Variants in SPAG16 observed in about 807,000 individuals in gnomAD.
The protein encoded by SPAG16 is sperm associated antigen 16.
SPAG16 carries 86 observed loss-of-function variants against 80.4 expected under a neutral mutation model. The observed-to-expected ratio is 1.07, with a 90% CI of 0.90 to 1.28. The LOEUF (loss-of-function observed/expected upper bound fraction) is 1.28, where lower values mean the gene tolerates loss of function less well. SPAG16 is among the 50% of genes most tolerant of loss of function. The probability of loss-of-function intolerance (pLI) is 0.00; values close to 1 mark genes in which losing one functional copy is unlikely to be tolerated. For missense variants in SPAG16, 870 were observed against 765.3 expected (o/e 1.14, Z -1.61); for synonymous variants, 294 against 265.9 (o/e 1.11, Z -1.03).
intron 10 of SPAG16, among the ~76,000 whole-genome samples, chr2:213,815,109 TAATC>T (rs1442029601): frequency 7.9e-5 from 12 of 152,154 alleles, no homozygotes; most frequent in East Asian, 3.9e-4. Context: ...ACAGAATAAA[TAATC>T]AAGATATTCT....
chr2:214,017,583 C>G (rs1385110025), intron 13 of SPAG16, among the ~76,000 whole-genome samples: 1 of 152,162 alleles, frequency 6.6e-6, no homozygotes, highest in African/African-American at 2.4e-5. Flanking sequence ...TCATATATAT[C>G]TGCCTTGAAT....
intron 15 of SPAG16, among the ~76,000 whole-genome samples, chr2:214,200,260 G>A (rs1269327140): frequency 6.6e-6 from 1 of 152,070 alleles, no homozygotes; most frequent in Non-Finnish European, 1.5e-5. Context: ...AGGTAAGTCT[G>A]TTCTATGCCA....
intron 12 of SPAG16, among the ~76,000 whole-genome samples, chr2:213,977,759 C>A (rs2045494291): frequency 6.6e-6 from 1 of 152,002 alleles, no homozygotes; most frequent in South Asian, 2.1e-4. Flanking sequence ...GGTCCAAGGA[C>A]CTCTTTTTAT....
rs2073812226 is a variant in SPAG16, at chr2:213,833,462, A to AT, written c.1071-29022dup. Among the ~76,000 whole-genome samples the AT allele has an allele frequency of 2.6e-4, 5 of 19,564 alleles. 1 individual carries two copies. The highest frequency in any genetic ancestry group is 5.6e-4 in the African/African-American group (2 of 3,558). 12.8% of individuals were successfully genotyped at this position (19,564 alleles called of 152,430 possible). A position where few individuals can be genotyped will look rare whatever the true frequency, so the allele number is the denominator to read the frequency against. On this transcript the variant is annotated intron_variant, in intron 10 of 15. Transcript: ENST00000331683. Reference sequence around the variant, plus strand: ...GTGTGTATATATATATATTATATATATATTATATATAATAATATATATATT... The same window carrying AT: ...GTGTGTATATATATATATTATATATATTATTATATATAATAATATATATATT...
rs778032237 is a variant in SPAG16 at position 214,238,235 on chromosome 2, A to G, written c.1720+88969A>G. The G allele has an allele frequency of 7.5e-6, 3 of 398,788 alleles. No individual in the cohort carries two copies. In the Admixed American group the frequency reaches 1.0e-4, roughly 14 times the overall value. The allele number at this position is 398,788 out of a possible 1,614,324, so 24.7% of individuals were successfully genotyped here. A position where few individuals can be genotyped will look rare whatever the true frequency, so the allele number is the denominator to read the frequency against. ...AAGTTGCCAATGGTAGGACTGCACAATCTGAATACATATGATGAGATATTT... is the reference window on the plus strand; with the variant it reads ...AAGTTGCCAATGGTAGGACTGCACAGTCTGAATACATATGATGAGATATTT... On this transcript the variant is annotated intron_variant, in intron 15 of 15. Coordinates refer to ENST00000331683, the MANE Select transcript of SPAG16 (RefSeq NM_024532.5).
At chr2:213,750,766 G>C (rs1349683452) in intron 10 of SPAG16, among the ~76,000 whole-genome samples, 3 of 152,188 alleles carry the variant, frequency 2.0e-5, no homozygotes, top group Non-Finnish European at 4.4e-5. Context: ...AAGCAGTCTA[G>C]GCTATGTTTC....
At chr2:213,556,648 G>A (rs999220519) in intron 10 of SPAG16, among the ~76,000 whole-genome samples, 7 of 152,044 alleles carry the variant, frequency 4.6e-5, no homozygotes, top group Admixed American at 4.6e-4. Context: ...AATGGAAGGG[G>A]ACTTCAATAT....
At chr2:214,256,172 T>C (rs1218413157) in intron 15 of SPAG16, among the ~76,000 whole-genome samples, 7 of 151,946 alleles carry the variant, frequency 4.6e-5, no homozygotes, top group African/African-American at 1.7e-4. Flanking sequence ...CTAATAGTAG[T>C]TTTATTTTGC....
intron 10 of SPAG16, among the ~76,000 whole-genome samples, chr2:213,606,814 G>A (rs1248838804): frequency 1.3e-5 from 2 of 152,196 alleles, no homozygotes; most frequent in African/African-American, 4.8e-5. Context: ...CATACCTTCG[G>A]CAAAATGCAA....
chr2:213,743,617 A>C (rs749710581), intron 10 of SPAG16, among the ~76,000 whole-genome samples: 1 of 152,328 alleles, frequency 6.6e-6, no homozygotes, highest in Non-Finnish European at 1.5e-5. Context: ...GTCTGCTGTC[A>C]GTCAAACTGT....
intron 10 of SPAG16, among the ~76,000 whole-genome samples, chr2:213,824,539 A>G (rs1025955563): frequency 2.0e-5 from 3 of 152,168 alleles, no homozygotes; most frequent in African/African-American, 7.2e-5. Flanking sequence ...GTTTTCAAAA[A>G]TGAGTTCACT....
At chr2:214,029,478 C>A (rs777953457) in intron 13 of SPAG16, among the ~76,000 whole-genome samples, 1 of 151,680 alleles carries the variant, frequency 6.6e-6, no homozygotes, top group Admixed American at 6.6e-5. Context: ...CACTAGTGGG[C>A]GGGGAGAGGG....
intron 14 of SPAG16, among the ~76,000 whole-genome samples, chr2:214,128,661 C>A (rs985738983): frequency 1.3e-5 from 2 of 151,792 alleles, no homozygotes; most frequent in South Asian, 4.1e-4. Flanking sequence ...TTTCAGATCC[C>A]AACTATCACT....
At chr2:213,661,337 G>A (rs905728947) in intron 10 of SPAG16, among the ~76,000 whole-genome samples, 1 of 152,056 alleles carries the variant, frequency 6.6e-6, no homozygotes, top group Non-Finnish European at 1.5e-5. Flanking sequence ...TAGAATTTTT[G>A]TTTCAGATTG....
intron 5 of SPAG16, among the ~76,000 whole-genome samples, chr2:213,336,947 A>T (rs75446509): frequency 0.024 from 3,630 of 152,286 alleles, 63 homozygotes; most frequent in African/African-American, 0.039. Flanking sequence ...GAGTCCACAG[A>T]TAACTCATAT....
At chr2:214,310,139 T>C (rs569291033) in intron 15 of SPAG16, among the ~76,000 whole-genome samples, 4 of 151,534 alleles carry the variant, frequency 2.6e-5, no homozygotes, top group Admixed American at 6.6e-5. Flanking sequence ...CCTTCTCTTC[T>C]AAAGAAACCG....
intron 10 of SPAG16, among the ~76,000 whole-genome samples, chr2:213,760,525 G>T (rs1575061576): frequency 6.8e-6 from 1 of 147,928 alleles, no homozygotes; most frequent in Non-Finnish European, 1.5e-5. Context: ...AAAAAACAAA[G>T]ATAAATAAGA....
intron 9 of SPAG16, among the ~76,000 whole-genome samples, chr2:213,407,235 TG>T (rs1413918101): frequency 6.6e-6 from 1 of 152,018 alleles, no homozygotes; most frequent in Non-Finnish European, 1.5e-5. Flanking sequence ...ACAGCACAAG[TG>T]GGAAGTGTGC....
At chr2:214,320,423 T>G (rs1477971019) in intron 15 of SPAG16, among the ~76,000 whole-genome samples, 1 of 152,214 alleles carries the variant, frequency 6.6e-6, no homozygotes, top group Non-Finnish European at 1.5e-5. Context: ...TTGTCTACAT[T>G]CCTCCTGTAT....
Sources: allele counts gnomAD v4.1 joint callset (sites outside exome capture counted in the v4.1 genomes callset), GRCh38; gene constraint gnomAD v4.1.1; transcripts MANE v1.5; gene names NCBI Gene and HGNC (gene_info 2026-07-23, HGNC 2026-07-21).